Variants in PHACTR3 observed in about 807,000 individuals in gnomAD.
The protein encoded by PHACTR3 is phosphatase and actin regulator 3, also known as protein phosphatase 1, regulatory subunit 123.
A neutral mutation model predicts 66.8 loss-of-function variants in PHACTR3; 16 were observed. The ratio of observed to expected loss-of-function variants is 0.24; its 90% CI spans 0.16 to 0.36. The LOEUF is 0.36. PHACTR3 is among the 10% of genes least tolerant of loss of function. The pLI is 1.00. For missense variants in PHACTR3, 647 were observed against 719.9 expected, an observed-to-expected ratio of 0.90 and a Z score of 1.16; for synonymous variants, 323 against 292.1, an observed-to-expected ratio of 1.11 and a Z score of -1.08.
intron 1 of PHACTR3, among the ~76,000 whole-genome samples, chr20:59,731,472 T>G (rs1162504610): frequency 2.0e-5 from 3 of 152,172 alleles, no homozygotes; most frequent in Non-Finnish European, 4.4e-5. Flanking sequence ...CTCATCCTCT[T>G]CATGTTTGAA....
Position 59,609,726 on chromosome 20 carries a change from C to G in PHACTR3, c.118+4594C>G, listed in dbSNP as rs73914729. 8.5e-3 allele frequency among the ~76,000 whole-genome samples: 1,289 copies of G among 152,298 alleles called. 22 individuals are homozygous for G. Among genetic ancestry groups the G allele is most frequent in the African/African-American group, 0.029 (1,208 of 41,554 alleles). ...CATGGCTCTTTCTAGCTTCCTTCCT[C>G]GAATGTTCTCTTATTCTGGAGTCCT... is the stretch of plus-strand genomic sequence containing the variant. On this transcript the variant is annotated intron_variant, in intron 1 of 12. Transcript: ENST00000371015.
rs1002805887 is a variant in PHACTR3 at position 59,605,033 on chromosome 20, G to C, written c.19G>C (p.Gly7Arg). The part of the protein sequence containing the change: MAASED[G>R]SGCLVSRGRS... ...CGGGCCCATGGCCGCGTCGGAGGACGGGAGCGGCTGCCTCGTGTCGCGGGG... is the reference window on the plus strand; with the variant it reads ...CGGGCCCATGGCCGCGTCGGAGGACCGGAGCGGCTGCCTCGTGTCGCGGGG... Residue 7 changes from glycine to arginine, a missense_variant, in exon 1 of 13, where the codon GGG becomes CGG. Physicochemically the swap from Gly to Arg is moderately radical, Grantham distance 125 (BLOSUM62 -2). Coordinates refer to ENST00000371015, the MANE Select transcript of PHACTR3 (RefSeq NM_080672.5). 4 of 1,355,156 alleles carry C rather than the reference G, an allele frequency of 3.0e-6. No individual in the cohort carries two copies. The highest frequency in any genetic ancestry group is 2.9e-6 in the Non-Finnish European group (3 of 1,045,904). The allele number at this position is 1,355,156 out of a possible 1,614,324, so 83.9% of individuals were successfully genotyped here. A position where few individuals can be genotyped will look rare whatever the true frequency, so the allele number is the denominator to read the frequency against.
chr20:59,823,547 A>C (rs937407249), intron 8 of PHACTR3, among the ~76,000 whole-genome samples: 2 of 152,244 alleles, frequency 1.3e-5, no homozygotes, highest in Non-Finnish European at 2.9e-5. Context: ...GGTAGAATCC[A>C]AGGACATTTC....
chr20:59,792,477 A>G (rs148906723), intron 7 of PHACTR3, among the ~76,000 whole-genome samples: 20 of 152,310 alleles, frequency 1.3e-4, no homozygotes, highest in African/African-American at 4.8e-4. Context: ...ATCCTCTCCA[A>G]TACTTGATGT....
chr20:59,582,794 C>T (rs2032899514), intron 1 of PHACTR3, among the ~76,000 whole-genome samples: 1 of 152,072 alleles, frequency 6.6e-6, no homozygotes, highest in Non-Finnish European at 1.5e-5. Context: ...TTGTGAGCGC[C>T]GTCGATCTGA....
Position 59,604,747 on chromosome 20 carries a change from A to C in PHACTR3, c.-268A>C. ...CTGGAATATAGACTGAAGAATGGGA[A>C]TAAACACGAATAAATAACAAAGCGA... On this transcript the variant is annotated 5_prime_UTR_variant, in exon 1 of 13. Transcript: ENST00000371015. 1 of 1,120,034 alleles carries C rather than the reference A, an allele frequency of 8.9e-7. No homozygotes were observed. Among genetic ancestry groups the C allele is most frequent in the East Asian group, 4.8e-5 (1 of 20,958 alleles). 69.4% of individuals were successfully genotyped at this position (1,120,034 alleles called of 1,614,324 possible). A position where few individuals can be genotyped will look rare whatever the true frequency, so the allele number is the denominator to read the frequency against.
chr20:59,605,858 T>TGGGGGGGGGGGGGGGGGGGGGGGGGGGGG (rs55834062), intron 1 of PHACTR3, among the ~76,000 whole-genome samples: 1 of 87,686 alleles, frequency 1.1e-5, no homozygotes, highest in African/African-American at 4.8e-5. Flanking sequence ...GGGGGGGAGG[T>TGGGGGGGGGGGGGGGGGGGGGGGGGGGGG]GGGGGGGGGG....
At chr20:59,752,913 G>A (rs2039652399) in intron 3 of PHACTR3, among the ~76,000 whole-genome samples, 1 of 152,160 alleles carries the variant, frequency 6.6e-6, no homozygotes, top group South Asian at 2.1e-4. Flanking sequence ...TGTTGCCAGG[G>A]GCTGGGTAAG....
intron 3 of PHACTR3, among the ~76,000 whole-genome samples, chr20:59,751,259 C>A (rs968098445): frequency 1.8e-4 from 27 of 152,300 alleles, no homozygotes; most frequent in African/African-American, 6.3e-4. Flanking sequence ...AGGGACGAAT[C>A]TGCAGCCGGG....
intron 1 of PHACTR3, among the ~76,000 whole-genome samples, chr20:59,594,692 G>A (rs1254299119): frequency 1.3e-5 from 2 of 152,084 alleles, no homozygotes; most frequent in Non-Finnish European, 2.9e-5. Flanking sequence ...TCTTAGTTAA[G>A]CTGGCTACAG....
At chr20:59,697,440 G>T (rs1295754921) in intron 1 of PHACTR3, among the ~76,000 whole-genome samples, 1 of 152,186 alleles carries the variant, frequency 6.6e-6, no homozygotes, top group Non-Finnish European at 1.5e-5. Flanking sequence ...GCAGGCAGAG[G>T]CCCCTAACAA....
chr20:59,732,290 C>T (rs1249395185), intron 1 of PHACTR3, among the ~76,000 whole-genome samples: 2 of 152,148 alleles, frequency 1.3e-5, no homozygotes, highest in Admixed American at 6.5e-5. Context: ...TGCCATTTAC[C>T]AGCTGTGTGA....
At chr20:59,807,007 AAGTTGCTC>A (rs1364991345) in intron 8 of PHACTR3, among the ~76,000 whole-genome samples, 2 of 152,272 alleles carry the variant, frequency 1.3e-5, no homozygotes, top group African/African-American at 4.8e-5. Context: ...GCAGGCCTGG[AAGTTGCTC>A]TGGGTGAGTC....
chr20:59,768,468 G>C (rs2040255683), intron 5 of PHACTR3, among the ~76,000 whole-genome samples: 1 of 152,216 alleles, frequency 6.6e-6, no homozygotes, highest in Non-Finnish European at 1.5e-5. Flanking sequence ...CTTGTCCCAG[G>C]TCCTGGAAAT....
At chr20:59,624,177 C>T (rs548172215) in intron 1 of PHACTR3, among the ~76,000 whole-genome samples, 5 of 152,032 alleles carry the variant, frequency 3.3e-5, no homozygotes, top group Admixed American at 6.5e-5. Context: ...TTTTGGTGCT[C>T]TCATGGGTGT....
chr20:59,602,628 C>T (rs796985715), upstream of PHACTR3, among the ~76,000 whole-genome samples: 1 of 152,132 alleles, frequency 6.6e-6, no homozygotes, highest in Non-Finnish European at 1.5e-5. Context: ...TCCCCCCCAC[C>T]TATAGCCAGT....
chr20:59,792,214 T>C (rs2041125244), intron 7 of PHACTR3, among the ~76,000 whole-genome samples: 1 of 152,190 alleles, frequency 6.6e-6, no homozygotes. Context: ...ATCAACCAGG[T>C]CTCATCTGTT....
At chr20:59,653,288 G>T (rs536243733) in intron 1 of PHACTR3, among the ~76,000 whole-genome samples, 1 of 151,700 alleles carries the variant, frequency 6.6e-6, no homozygotes, top group Admixed American at 6.6e-5. Flanking sequence ...GGGTTCAAGC[G>T]ATTTTCCTGT....
chr20:59,814,212 G>A (rs914944694), intron 8 of PHACTR3, among the ~76,000 whole-genome samples: 1 of 152,184 alleles, frequency 6.6e-6, no homozygotes, highest in East Asian at 1.9e-4. Context: ...CAAGGCTAGA[G>A]CTGGGTGGGG....
Sources: gnomAD v4.1 joint callset for allele counts (sites outside exome capture counted in the v4.1 genomes callset) on GRCh38, gnomAD v4.1.1 for gene constraint, MANE v1.5 for transcripts, NCBI Gene and HGNC (gene_info 2026-07-23, HGNC 2026-07-21) for gene names.